Variants in EFHC2 observed in about 807,000 individuals in gnomAD.
The protein encoded by EFHC2 is EF-hand domain containing 2, also known as EF-hand domain-containing family member C2.
A neutral mutation model predicts 52.7 loss-of-function variants in EFHC2; 18 were observed. The observed-to-expected ratio is 0.34, with a 90% CI of 0.24 to 0.51. The LOEUF (loss-of-function observed/expected upper bound fraction) is 0.51. Ranked by LOEUF, EFHC2 falls within the 20% of genes least tolerant of loss-of-function variation. EFHC2 has a pLI of 0.97. For missense variants in EFHC2, 513 were observed against 562.5 expected (o/e 0.91, Z 0.89); for synonymous variants, 203 against 204.1 (o/e 0.99, Z 0.04).
intron 2 of EFHC2, chrX:44,310,410 T>C: frequency 1.0e-6 from 1 of 999,930 alleles, no homozygotes; most frequent in Non-Finnish European, 1.3e-6. Flanking sequence ...CTGAGCCCCT[T>C]CAGCGGCGAG....
At chrX:44,189,818 T>A (rs372394029) in intron 11 of EFHC2, among the ~76,000 whole-genome samples, 81 of 111,069 alleles carry the variant, frequency 7.3e-4, no homozygotes, top group African/African-American at 2.5e-3. Context: ...GAAAAAGGAA[T>A]GGCAAGTTGT....
At chrX:44,158,343 G>A (rs1045122973) in intron 14 of EFHC2, among the ~76,000 whole-genome samples, 1 of 111,342 alleles carries the variant, frequency 9.0e-6, no homozygotes, top group African/African-American at 3.3e-5. Context: ...CCACGTTCCA[G>A]GTGGTGGCCT....
chrX:44,277,139 G>A (rs761640006), intron 2 of EFHC2, among the ~76,000 whole-genome samples: 4 of 109,410 alleles, frequency 3.7e-5, no homozygotes, highest in Admixed American at 9.8e-5. Context: ...GGTGCCCGTA[G>A]TCCCAGCTAC....
chrX:44,330,895 C>A (rs1406913869), intron 1 of EFHC2, among the ~76,000 whole-genome samples: 2 of 111,622 alleles, frequency 1.8e-5, no homozygotes, highest in Non-Finnish European at 3.8e-5. Flanking sequence ...TAAATGCGGA[C>A]CAGGGTGCAA....
chrX:44,157,780 C>G (rs940710021), intron 14 of EFHC2, among the ~76,000 whole-genome samples: 1 of 106,717 alleles, frequency 9.4e-6, no homozygotes, highest in African/African-American at 3.4e-5. Context: ...CTACCCACCC[C>G]GTCAACAGTC....
chrX:44,300,667 C>T (rs1236536317), intron 2 of EFHC2, among the ~76,000 whole-genome samples: 3 of 111,566 alleles, frequency 2.7e-5, no homozygotes, highest in African/African-American at 6.5e-5. Context: ...CCCAAAACAA[C>T]CCCTTCCTGC....
At chrX:44,246,458 A>T (rs1220941897) in intron 7 of EFHC2, among the ~76,000 whole-genome samples, 1 of 112,475 alleles carries the variant, frequency 8.9e-6, no homozygotes, top group Admixed American at 9.4e-5. Flanking sequence ...CATTTGCATA[A>T]TTTTCTGTTT....
chrX:44,287,457 A>G (rs2037760864), intron 2 of EFHC2, among the ~76,000 whole-genome samples: 2 of 111,465 alleles, frequency 1.8e-5, no homozygotes, highest in Non-Finnish European at 3.8e-5. Flanking sequence ...GGAGTGAGCA[A>G]TGTAGTTCTG....
chrX:44,195,002 C>A (rs1255338962), intron 11 of EFHC2, among the ~76,000 whole-genome samples: 2 of 112,109 alleles, frequency 1.8e-5, no homozygotes, highest in Non-Finnish European at 3.8e-5. Context: ...GGGCAGTGAG[C>A]TTTTCTCAAA....
chrX:44,195,335 C>A (rs950170613), intron 11 of EFHC2, among the ~76,000 whole-genome samples: 3 of 112,006 alleles, frequency 2.7e-5, no homozygotes, highest in Non-Finnish European at 3.8e-5. Context: ...TGGAACAGAG[C>A]CATCCCAGCT....
At chrX:44,159,965 A>G (rs1031696167) in intron 14 of EFHC2, among the ~76,000 whole-genome samples, 8 of 112,550 alleles carry the variant, frequency 7.1e-5, no homozygotes, top group Admixed American at 1.9e-4. Context: ...AATCCTCACA[A>G]CCCTAATGGA....
chrX:44,254,411 T>A (rs2037476661), intron 4 of EFHC2, among the ~76,000 whole-genome samples: 1 of 111,553 alleles, frequency 9.0e-6, no homozygotes, highest in African/African-American at 3.3e-5. Context: ...GAATAACCAG[T>A]TTAGAGAAGA....
At chrX:44,149,665 G>A (rs1407092935) in intron 14 of EFHC2, among the ~76,000 whole-genome samples, 1 of 111,081 alleles carries the variant, frequency 9.0e-6, no homozygotes, top group Non-Finnish European at 1.9e-5. Flanking sequence ...ACAGGCACAT[G>A]CCACCATGCC....
intron 8 of EFHC2, among the ~76,000 whole-genome samples, chrX:44,241,107 C>T (rs2037356050): frequency 9.0e-6 from 1 of 110,954 alleles, no homozygotes; most frequent in Non-Finnish European, 1.9e-5. Flanking sequence ...CTAGACTTAC[C>T]ACATTCCCTT....
intron 1 of EFHC2, among the ~76,000 whole-genome samples, chrX:44,318,195 C>A (rs901255593): frequency 2.7e-5 from 3 of 112,277 alleles, no homozygotes; most frequent in Non-Finnish European, 5.6e-5. Context: ...TATTCTGCCG[C>A]CAAAGGGAAC....
intron 11 of EFHC2, among the ~76,000 whole-genome samples, chrX:44,216,918 A>G (rs1186935641): frequency 9.0e-6 from 1 of 111,647 alleles, no homozygotes; most frequent in East Asian, 2.8e-4. Context: ...AACAATCAAC[A>G]AAGTGAAGAG....
intron 14 of EFHC2, among the ~76,000 whole-genome samples, chrX:44,162,615 C>T (rs2036665508): frequency 9.0e-6 from 1 of 111,686 alleles, no homozygotes; most frequent in African/African-American, 3.3e-5. Context: ...ACACCAATTC[C>T]TCCTGGTTCT....
intron 14 of EFHC2, among the ~76,000 whole-genome samples, chrX:44,159,192 T>C (rs1333937037): frequency 9.0e-6 from 1 of 111,472 alleles, no homozygotes; most frequent in Admixed American, 9.5e-5. Flanking sequence ...CCATGGGAGT[T>C]GATCCCAAGG....
chrX:44,188,202 T>C (rs1037392233), intron 11 of EFHC2, among the ~76,000 whole-genome samples: 3 of 109,202 alleles, frequency 2.7e-5, no homozygotes, highest in Admixed American at 9.8e-5. Flanking sequence ...CAGGCTGGTT[T>C]CAAACTCCTG....
Sources: allele counts gnomAD v4.1 joint callset (sites outside exome capture counted in the v4.1 genomes callset), GRCh38; gene constraint gnomAD v4.1.1; transcripts MANE v1.5; gene names NCBI Gene and HGNC (gene_info 2026-07-23, HGNC 2026-07-21).